Variants in SARDH observed in about 807,000 individuals in gnomAD.
SARDH encodes sarcosine dehydrogenase, mitochondrial.
In SARDH, 95 loss-of-function variants were observed where a neutral mutation model predicts 109.1. The observed-to-expected ratio is 0.87, with a 90% CI of 0.74 to 1.03. SARDH has a LOEUF of 1.03. Ranked by LOEUF, SARDH falls within the 50% of genes least tolerant of loss-of-function variation. The pLI, the probability that SARDH is intolerant of heterozygous loss-of-function variation, is 0.00. For synonymous variants in SARDH, 572 were observed against 534.8 expected (o/e 1.07, Z -0.96); for missense variants, 1,267 against 1,287.8 (o/e 0.98, Z 0.25).
intron 17 of SARDH, among the ~76,000 whole-genome samples, chr9:133,680,414 C>G (rs936951339): frequency 6.6e-6 from 1 of 152,244 alleles, no homozygotes; most frequent in Non-Finnish European, 1.5e-5. Context: ...GGCTGTATCC[C>G]CACCCGTCTT....
chr9:133,708,254 G>T, intron 11 of SARDH, 33 bp downstream of exon 11: 1 of 1,598,348 alleles, frequency 6.3e-7, no homozygotes, highest in Non-Finnish European at 8.5e-7. Context: ...GACCCTCGCT[G>T]CCAGTCCCCA....
chr9:133,673,115 T>A (rs1830405972), intron 17 of SARDH, among the ~76,000 whole-genome samples: 1 of 152,156 alleles, frequency 6.6e-6, no homozygotes, highest in Non-Finnish European at 1.5e-5. Context: ...GGACAGCTGG[T>A]GTCTTTGGGA....
In SARDH at chr9:133,709,283, G is replaced by A. The variant is rs1831824178; in HGVS notation, c.1329-855C>T. On this transcript the variant is annotated intron_variant, in intron 10 of 20. Coordinates refer to ENST00000439388, the MANE Select transcript of SARDH (RefSeq NM_001134707.2). This position sits in a 1 kb window ranked among gnomAD's most constrained non-coding sequence, Gnocchi z 4.2. ...GCCTAGGCCTCTGCTGCCCCTGAGTGGGCAGAGCAATCAGTGCCCCGCGGC... is the reference window on the plus strand; with the variant it reads ...GCCTAGGCCTCTGCTGCCCCTGAGTAGGCAGAGCAATCAGTGCCCCGCGGC... Among the ~76,000 whole-genome samples the A allele has an allele frequency of 6.6e-6, 1 of 152,158 alleles. No homozygotes were observed. Among genetic ancestry groups the A allele is most frequent in the Non-Finnish European group, 1.5e-5 (1 of 68,032 alleles).
Position 133,692,377 on chromosome 9 carries a change from C to A in SARDH, c.1922-1850G>T, listed in dbSNP as rs1831130769. Among the ~76,000 whole-genome samples, 2 of 152,270 alleles carry A rather than the reference C, an allele frequency of 1.3e-5. No individual in the cohort carries two copies. Among genetic ancestry groups the A allele is most frequent in the South Asian group, 2.1e-4 (1 of 4,832 alleles). On this transcript the variant is annotated intron_variant, in intron 15 of 20. Coordinates refer to ENST00000439388, the MANE Select transcript of SARDH (RefSeq NM_001134707.2). This position sits in a 1 kb window ranked among gnomAD's most constrained non-coding sequence, Gnocchi z 5.0. Reference sequence around the variant, plus strand: ...CCGCCCCTCTACTGGGGGCTGATGCCTAGCTCCTTACAGGCAACACTCCTC... The same window carrying A: ...CCGCCCCTCTACTGGGGGCTGATGCATAGCTCCTTACAGGCAACACTCCTC...
intron 17 of SARDH, among the ~76,000 whole-genome samples, chr9:133,672,850 G>A (rs142270744): frequency 2.8e-4 from 42 of 152,372 alleles, no homozygotes; most frequent in African/African-American, 9.1e-4. Flanking sequence ...AAGGCCCAGC[G>A]TTGGGCAGCG....
intron 10 of SARDH, among the ~76,000 whole-genome samples, chr9:133,711,942 G>A (rs1379376356): frequency 6.6e-6 from 1 of 152,196 alleles, no homozygotes; most frequent in Non-Finnish European, 1.5e-5. Context: ...GGGAGCGCCT[G>A]CACCACTGTC....
intron 1 of SARDH, among the ~76,000 whole-genome samples, chr9:133,736,001 T>G (rs1294540758): frequency 6.6e-6 from 1 of 150,858 alleles, no homozygotes; most frequent in South Asian, 2.1e-4. Context: ...GATTGTGCCA[T>G]TGCACTCCAG....
intron 11 of SARDH, among the ~76,000 whole-genome samples, chr9:133,706,800 G>A (rs1460192628): frequency 6.6e-6 from 1 of 152,170 alleles, no homozygotes; most frequent in East Asian, 1.9e-4. Context: ...GGCCTCGGGG[G>A]CAGCATCTGG....
chr9:133,736,551 A>G (rs868356330), intron 1 of SARDH, among the ~76,000 whole-genome samples: 21 of 152,300 alleles, frequency 1.4e-4, no homozygotes, highest in Middle Eastern at 6.8e-3. Context: ...GCATGCCACC[A>G]TGCCTGGCTA....
chr9:133,710,443 C>A (rs1046135686), intron 10 of SARDH, among the ~76,000 whole-genome samples: 1 of 152,236 alleles, frequency 6.6e-6, no homozygotes, highest in African/African-American at 2.4e-5. Context: ...AGACAGGCCC[C>A]GCACCCAGGG....
At chr9:133,737,309 G>T (rs1832917826) in intron 1 of SARDH, among the ~76,000 whole-genome samples, 3 of 152,226 alleles carry the variant, frequency 2.0e-5, no homozygotes, top group Non-Finnish European at 4.4e-5. Context: ...AGCGGCGTAG[G>T]GGAGTGAGGA....
upstream of SARDH, among the ~76,000 whole-genome samples, chr9:133,739,360 C>T (rs1406115093): frequency 6.6e-6 from 1 of 152,240 alleles, no homozygotes; most frequent in African/African-American, 2.4e-5. Flanking sequence ...GTCCGACTGT[C>T]TTGTTGCCAG....
intron 17 of SARDH, among the ~76,000 whole-genome samples, chr9:133,672,387 T>C (rs552387504): frequency 3.9e-4 from 59 of 152,300 alleles, no homozygotes; most frequent in South Asian, 3.7e-3. Context: ...TAGATATATG[T>C]TTTGGGGGTC....
In SARDH at chr9:133,713,202, T is replaced by C. The variant is rs901297459; in HGVS notation, c.1151-78A>G. 3.0e-6 allele frequency: 4 copies of C among 1,324,572 alleles called. No individual in the cohort carries two copies. The African/African-American group carries it at 4.3e-5, about 14-fold the overall frequency. 82.1% of individuals were successfully genotyped at this position (1,324,572 alleles called of 1,614,324 possible). A position where few individuals can be genotyped will look rare whatever the true frequency, so the allele number is the denominator to read the frequency against. On this transcript the variant is annotated intron_variant, in intron 8 of 20. Transcript: ENST00000439388. ...GGGGTGAGGTCTTCCAAGAGAGCAG[T>C]GATCAGGCAGGGTCTGCAGGGGCCC...
At chr9:133,739,463 G>A (rs753948508), upstream of SARDH, among the ~76,000 whole-genome samples, 5 of 152,254 alleles carry the variant, frequency 3.3e-5, no homozygotes, top group East Asian at 1.9e-4. Flanking sequence ...CCCTGCCCTC[G>A]AGGGGCTCAG....
At position 133,731,312 on chromosome 9, in the gene SARDH, C is replaced by T. The variant is rs201533795; in HGVS notation, c.683G>A (p.Gly228Glu). ...CCAGGCGGCCATCAGTACCTGTGCT[C>T]CTCGGGCAGAAGCTGCCCTGGCGAG... ...TTLARAASAR[G>E]AQVIENCPVT... Residue 228 changes from glycine (G) to glutamate (E), a missense_variant, in exon 4 of 21, where the codon GGA (glycine) becomes GAA (glutamate). Transcript: ENST00000439388. 12 of 1,614,064 alleles carry T rather than the reference C, an allele frequency of 7.4e-6. No homozygotes were observed. Among genetic ancestry groups the T allele is most frequent in the African/African-American group, 1.3e-5 (1 of 75,046 alleles).
In SARDH at chr9:133,671,575, G is replaced by A. The variant is rs373435029; in HGVS notation, c.2286C>T (p.Asn762=). 134 of 1,608,778 alleles carry A rather than the reference G, an allele frequency of 8.3e-5. No individual in the cohort carries two copies. Among genetic ancestry groups the A allele is most frequent in the South Asian group, 3.1e-4 (28 of 90,068 alleles). ...MAAGAKHGLI[N]AGYRAIDSLS... is the part of the protein sequence containing the mutation. ...GGGAGTCGATGGCGCGGTACCCTGCGTTGATGAGGCCGTGCTTGGCACCCG... is the reference window on the plus strand; with the variant it reads ...GGGAGTCGATGGCGCGGTACCCTGCATTGATGAGGCCGTGCTTGGCACCCG... Residue 762 remains asparagine, a synonymous_variant, in exon 18 of 21, where the codon AAC becomes AAT. Coordinates refer to ENST00000439388, the MANE Select transcript of SARDH (RefSeq NM_001134707.2).
intron 17 of SARDH, 67 bp from the exon 18 acceptor site, chr9:133,671,764 ACTTCC>A: frequency 6.7e-7 from 1 of 1,495,106 alleles, no homozygotes; most frequent in Non-Finnish European, 9.0e-7. Flanking sequence ...CCAGGCCACC[ACTTCC>A]TGGTGGCAGC....
rs764199815 is a variant in SARDH at position 133,702,978 on chromosome 9, A to C, written c.1606T>G (p.Tyr536Asp). The change falls in exon 13 of 21, where the codon TAC (tyrosine) becomes GAC (aspartate). Residue 536 changes from tyrosine to aspartate, a missense_variant. Coordinates refer to ENST00000439388, the MANE Select transcript of SARDH (RefSeq NM_001134707.2). ...GAYGSRAHED[Y>D]AYRRLLADEY... ...TCTGCCAGCAGCCTGCGGTAGGCGT[A>C]GTCCTCGTGCGCGCGGCTCCCGTAA... is the stretch of plus-strand genomic sequence containing the variant. 2 of 1,613,534 alleles carry C rather than the reference A, an allele frequency of 1.2e-6. No individual in the cohort carries two copies. The highest frequency in any genetic ancestry group is 1.7e-5 in the Admixed American group (1 of 60,030).
Sources: allele counts gnomAD v4.1 joint callset (sites outside exome capture counted in the v4.1 genomes callset), GRCh38; gene constraint gnomAD v4.1.1; non-coding constraint Gnocchi (gnomAD v3.1); transcripts MANE v1.5; gene names NCBI Gene and HGNC (gene_info 2026-07-23, HGNC 2026-07-21).